The following MVB12A variants were observed in gnomAD, a reference collection of about 807,000 sequenced individuals.
MVB12A encodes the protein multivesicular body subunit 12A, also known as CIN85/CD2AP family binding protein.
A neutral mutation model predicts 34.3 loss-of-function variants in MVB12A; 30 were observed. The ratio of observed to expected loss-of-function variants is 0.88; its 90% CI spans 0.65 to 1.19. MVB12A has a LOEUF of 1.19. Ranked by LOEUF, MVB12A falls within the 50% of genes most tolerant of loss-of-function variation. MVB12A has a pLI of 0.00. For synonymous variants in MVB12A, 158 were observed against 158.9 expected, an observed-to-expected ratio of 0.99 and a Z score of 0.04; for missense variants, 355 against 369.2, an observed-to-expected ratio of 0.96 and a Z score of 0.31.
intron 8 of MVB12A, 121 bp from the exon 9 acceptor site, chr19:17,424,810 C>A: frequency 1.5e-6 from 2 of 1,311,522 alleles, no homozygotes; most frequent in Non-Finnish European, 2.1e-6. Context: ...CACACACCAT[C>A]TCTCCAGGGC....
chr19:17,409,193 T>A (rs2074747910), intron 2 of MVB12A, among the ~76,000 whole-genome samples: 1 of 147,578 alleles, frequency 6.8e-6, no homozygotes, highest in Admixed American at 6.9e-5. Flanking sequence ...TGCAGTGGTG[T>A]AATCTCGGCT....
chr19:17,421,642 G>C lies in MVB12A; in HGVS notation c.287-690G>C, dbSNP rs116661997. On this transcript the variant is annotated intron_variant, in intron 3 of 8. Transcript: ENST00000317040. ...AAAAATCACTCTTAACACATCAGCT[G>C]TATGAAACCAGGCCTTAGGCTTGGT... 6.9e-3 allele frequency among the ~76,000 whole-genome samples: 1,055 copies of C among 152,088 alleles called. 8 individuals are homozygous for C. Among genetic ancestry groups the C allele is most frequent in the African/African-American group, 0.024 (1,010 of 41,476 alleles).
chr19:17,420,638 A>G lies in MVB12A; in HGVS notation c.286+4A>G, dbSNP rs936069681. The G allele has an allele frequency of 5.0e-6, 8 of 1,604,444 alleles. No homozygotes were observed. Among genetic ancestry groups the G allele is most frequent in the South Asian group, 1.1e-5 (1 of 90,864 alleles). On this transcript the variant is annotated splice_donor_region_variant and intron_variant, in intron 3 of 8. Coordinates refer to ENST00000317040, the MANE Select transcript of MVB12A (RefSeq NM_138401.4). ...GTCTGCGACCCCATGGATTCCAGTAAGGGCTGCTTCGGAGGCGAGAGTTGT... is the reference window on the plus strand; with the variant it reads ...GTCTGCGACCCCATGGATTCCAGTAGGGGCTGCTTCGGAGGCGAGAGTTGT...
At position 17,422,239 on chromosome 19, in the gene MVB12A, C is replaced by A. The variant is rs552025430; in HGVS notation, c.287-93C>A. On this transcript the variant is annotated intron_variant, in intron 3 of 8. Transcript: ENST00000317040. ...ATGTTGTCCATGTGGCTGCCTTAAACAGCACCCTGGCGAGCCTCATCCTAG... is the reference window on the plus strand; with the variant it reads ...ATGTTGTCCATGTGGCTGCCTTAAAAAGCACCCTGGCGAGCCTCATCCTAG... 7.0e-6 allele frequency: 9 copies of A among 1,292,274 alleles called. No homozygotes were observed. In the East Asian group the frequency reaches 9.7e-5, roughly 14 times the overall value. 80.1% of individuals were successfully genotyped at this position (1,292,274 alleles called of 1,614,324 possible). A position where few individuals can be genotyped will look rare whatever the true frequency, so the allele number is the denominator to read the frequency against.
intron 4 of MVB12A, chr19:17,422,721 C>T (rs1353330811): frequency 1.4e-5 from 3 of 213,536 alleles, no homozygotes; most frequent in Non-Finnish European, 2.8e-5. Context: ...GAGGCTGAGG[C>T]GGGCCGATCA....
At chr19:17,421,501 T>G (rs1307832033) in intron 3 of MVB12A, among the ~76,000 whole-genome samples, 4 of 152,122 alleles carry the variant, frequency 2.6e-5, no homozygotes, top group Admixed American at 6.6e-5. Context: ...TTTTCTTTAT[T>G]TTTTCTTAGA....
chr19:17,415,255 A>G (rs1423417669), upstream of MVB12A: 2 of 152,200 alleles, frequency 1.3e-5, no homozygotes, highest in African/African-American at 4.8e-5. Context: ...GACGAACGCC[A>G]TCTGGCCCCT....
Position 17,420,060 on chromosome 19 carries a change from G to T in MVB12A, c.-76G>T. On this transcript the variant is annotated 5_prime_UTR_variant, in exon 1 of 9. Coordinates refer to ENST00000317040, the MANE Select transcript of MVB12A (RefSeq NM_138401.4). ...CTTCTGGGAGTTGTAGTTCGGTCGC[G>T]AGCGCTGCCGTCGGGAGGCGCTCCG... 1.1e-6 allele frequency: 1 copy of T among 938,974 alleles called. No individual in the cohort carries two copies. Among genetic ancestry groups the T allele is most frequent in the East Asian group, 3.6e-5 (1 of 28,036 alleles). The allele number at this position is 938,974 out of a possible 1,614,324, so 58.2% of individuals were successfully genotyped here. A position where few individuals can be genotyped will look rare whatever the true frequency, so the allele number is the denominator to read the frequency against.
intron 2 of MVB12A, 54 bp from the exon 3 acceptor site, chr19:17,420,484 G>T (rs547826164): frequency 2.6e-5 from 42 of 1,588,730 alleles, no homozygotes; most frequent in Non-Finnish European, 3.5e-5. Flanking sequence ...CCCTATGCCA[G>T]GTGCGCTGTC....
At chr19:17,410,212 C>T (rs1369022988) in intron 2 of MVB12A, among the ~76,000 whole-genome samples, 1 of 151,236 alleles carries the variant, frequency 6.6e-6, no homozygotes, top group Non-Finnish European at 1.5e-5. Flanking sequence ...GTCCTGTTGC[C>T]CAGGCTGGAG....
intron 2 of MVB12A, among the ~76,000 whole-genome samples, chr19:17,411,568 G>A (rs1242609211): frequency 1.3e-5 from 2 of 151,372 alleles, no homozygotes; most frequent in Non-Finnish European, 2.9e-5. Flanking sequence ...ATGTTGACCA[G>A]GCTTTTCTCA....
intron 4 of MVB12A, 62 bp from the exon 5 acceptor site, chr19:17,423,436 G>A: frequency 6.4e-7 from 1 of 1,572,338 alleles, no homozygotes; most frequent in Non-Finnish European, 8.7e-7. Context: ...TTCTCCAGGG[G>A]CTATCCTCAA....
Position 17,425,020 on chromosome 19 carries a change from C to G in MVB12A, c.*27C>G. 2 of 1,484,320 alleles carry G rather than the reference C, an allele frequency of 1.3e-6. No individual in the cohort carries two copies. Among genetic ancestry groups the G allele is most frequent in the Non-Finnish European group, 1.9e-6 (2 of 1,078,156 alleles). The allele number at this position is 1,484,320 out of a possible 1,614,324, so 91.9% of individuals were successfully genotyped here. A position where few individuals can be genotyped will look rare whatever the true frequency, so the allele number is the denominator to read the frequency against. ...CCCTCACCCTTCCGCGGAAAGAGCCCCCTTACTCCACCTCCCCGCCAGCCT... is the reference window on the plus strand; with the variant it reads ...CCCTCACCCTTCCGCGGAAAGAGCCGCCTTACTCCACCTCCCCGCCAGCCT... On this transcript the variant is annotated 3_prime_UTR_variant, in exon 9 of 9. Transcript: ENST00000317040.
intron 3 of MVB12A, 41 bp from the exon 4 acceptor site, chr19:17,422,291 G>A (rs759226832): frequency 6.3e-7 from 1 of 1,582,770 alleles, no homozygotes; most frequent in Non-Finnish European, 8.6e-7. Flanking sequence ...TCCCACCCCT[G>A]CCTGGCTTCC....
chr19:17,419,863 T>A (rs982373942), upstream of MVB12A: 1 of 318,874 alleles, frequency 3.1e-6, no homozygotes, highest in Non-Finnish European at 5.7e-6. Context: ...CGGCGGAAGT[T>A]GCTGGGCGCG....
upstream of MVB12A, chr19:17,415,667 C>G (rs369543064): frequency 7.0e-6 from 1 of 142,024 alleles, no homozygotes; most frequent in East Asian, 2.1e-4. Flanking sequence ...TCCTCGGGGC[C>G]GAGAGAATTT....
chr19:17,417,278 A>G (rs1249001656), upstream of MVB12A: 1 of 168,216 alleles, frequency 5.9e-6, no homozygotes, highest in East Asian at 1.6e-4. Flanking sequence ...TGCGGATTTG[A>G]TCTTGGGGTG....
intron 5 of MVB12A, 36 bp downstream of exon 5, chr19:17,423,653 G>A: frequency 6.2e-7 from 1 of 1,613,306 alleles, no homozygotes; most frequent in African/African-American, 1.3e-5. Flanking sequence ...GGTGGCCGTT[G>A]TGGGAGGATG....
chr19:17,420,234 C>A lies in MVB12A; in HGVS notation c.90+9C>A, dbSNP rs752765335. 3 of 1,500,798 alleles carry A rather than the reference C, an allele frequency of 2.0e-6. No homozygotes were observed. In the African/African-American group the frequency reaches 4.3e-5, roughly 21 times the overall value. The allele number at this position is 1,500,798 out of a possible 1,614,324, so 93.0% of individuals were successfully genotyped here. ...CGCGGGGGTTCAGCGCGGTGAGCGG[C>A]GTCGAGGGGCGGGGGTCGAATGGGG... On this transcript the variant is annotated intron_variant, in intron 1 of 8. Transcript: ENST00000317040.
Sources: gnomAD v4.1 joint callset for allele counts (sites outside exome capture counted in the v4.1 genomes callset) on GRCh38, gnomAD v4.1.1 for gene constraint, MANE v1.5 for transcripts, NCBI Gene and HGNC (gene_info 2026-07-23, HGNC 2026-07-21) for gene names.